Variants in COL22A1 observed in about 807,000 individuals in gnomAD.
The protein encoded by COL22A1 is collagen alpha-1(XXII) chain.
COL22A1 carries 221 observed loss-of-function variants against 248.9 expected under a neutral mutation model. The ratio of observed to expected loss-of-function variants is 0.89; its 90% CI spans 0.80 to 0.99. The LOEUF is 0.99. COL22A1 is among the 50% of genes least tolerant of loss of function. The pLI is 0.00. For synonymous variants in COL22A1, 891 were observed against 793.4 expected, an observed-to-expected ratio of 1.12 and a Z score of -2.07; for missense variants, 2,240 against 2,179.0, an observed-to-expected ratio of 1.03 and a Z score of -0.56.
At position 138,591,458 on chromosome 8, in the gene COL22A1, G is replaced by A. The variant is rs745326030; in HGVS notation, c.4659C>T (p.Gly1553=). Residue 1553 remains glycine (G), a synonymous_variant, in exon 64 of 65, where the codon GGC becomes GGT. Transcript: ENST00000303045. ...CAGGGGGTCCCATCTCGCCTCGGAGGCCAACTCCAGGTGCACCTGGGTCAC... is the reference window on the plus strand; with the variant it reads ...CAGGGGGTCCCATCTCGCCTCGGAGACCAACTCCAGGTGCACCTGGGTCAC... ...AKGDPGAPGV[G]LRGEMGPPGI... 2 of 1,580,300 alleles carry A rather than the reference G, an allele frequency of 1.3e-6. No homozygotes were observed. Among genetic ancestry groups the A allele is most frequent in the Admixed American group, 3.6e-5 (2 of 55,586 alleles).
At chr8:138,739,384 T>C (rs949091373) in intron 22 of COL22A1, among the ~76,000 whole-genome samples, 1 of 152,188 alleles carries the variant, frequency 6.6e-6, no homozygotes, top group Non-Finnish European at 1.5e-5. Context: ...AGTTTTTCAA[T>C]TCAATTTTGT....
intron 5 of COL22A1, among the ~76,000 whole-genome samples, chr8:138,830,862 G>A (rs993172103): frequency 2.0e-5 from 3 of 152,168 alleles, no homozygotes; most frequent in Non-Finnish European, 4.4e-5. Flanking sequence ...AGTGAAGGAG[G>A]AAACAGGGTG....
chr8:138,765,888 A>T (rs1244910947), intron 16 of COL22A1, among the ~76,000 whole-genome samples: 1 of 152,206 alleles, frequency 6.6e-6, no homozygotes, highest in East Asian at 1.9e-4. Flanking sequence ...GCCAAGACCG[A>T]GCAGACAGTG....
chr8:138,634,907 T>C, intron 49 of COL22A1, 103 bp downstream of exon 49: 1 of 848,692 alleles, frequency 1.2e-6, no homozygotes, highest in Non-Finnish European at 1.9e-6. Flanking sequence ...GGGCCATCCC[T>C]TAAAATGAGA....
intron 59 of COL22A1, among the ~76,000 whole-genome samples, chr8:138,603,592 C>A (rs773748859): frequency 3.9e-5 from 6 of 152,058 alleles, no homozygotes; most frequent in Non-Finnish European, 7.4e-5. Flanking sequence ...GGCAGCAGCC[C>A]AAGTACAAGC....
chr8:138,805,075 GT>G (rs1817381283), intron 10 of COL22A1, among the ~76,000 whole-genome samples: 2 of 146,408 alleles, frequency 1.4e-5, no homozygotes, highest in East Asian at 2.1e-4. Flanking sequence ...GTGTGTGTGT[GT>G]GTTAGTGTAG....
intron 23 of COL22A1, among the ~76,000 whole-genome samples, chr8:138,735,183 TA>T (rs1831013067): frequency 6.6e-6 from 1 of 152,098 alleles, no homozygotes; most frequent in Non-Finnish European, 1.5e-5. Flanking sequence ...TACAGTAAAA[TA>T]AAATTAAACT....
At chr8:138,640,385 G>C (rs1564130663) in intron 47 of COL22A1, among the ~76,000 whole-genome samples, 2 of 152,030 alleles carry the variant, frequency 1.3e-5, no homozygotes, top group South Asian at 4.2e-4. Flanking sequence ...TGAGGGCAGG[G>C]ACTAAACTTT....
At position 138,821,552 on chromosome 8, in the gene COL22A1, C is replaced by T. The variant is rs549096096; in HGVS notation, c.970-141G>A. ...ACTCTTACCAGCTGGTCACCTGCCA[C>T]CTGAGCTTGGACAAATTCCGTCACA... On this transcript the variant is annotated intron_variant, in intron 6 of 64. Coordinates refer to ENST00000303045, the MANE Select transcript of COL22A1 (RefSeq NM_152888.3). 1.2e-5 allele frequency: 10 copies of T among 825,716 alleles called. No individual in the cohort carries two copies. The African/African-American group carries it at 1.5e-4, about 13-fold the overall frequency. The allele number at this position is 825,716 out of a possible 1,614,324, so 51.1% of individuals were successfully genotyped here. A position where few individuals can be genotyped will look rare whatever the true frequency, so the allele number is the denominator to read the frequency against.
chr8:138,799,304 C>T (rs886574209), intron 11 of COL22A1, among the ~76,000 whole-genome samples: 1 of 152,042 alleles, frequency 6.6e-6, no homozygotes, highest in Admixed American at 6.6e-5. Context: ...CTGTTAAATC[C>T]GATATTTGTA....
rs566297130 is a variant in COL22A1 at position 138,833,503 on chromosome 8, T to C, written c.734-353A>G. The stretch of plus-strand genomic sequence containing the variant: ...AACCCAGATGTGTGCTCTTCGCTCT[T>C]GCAGGCTGGCTCTGCAGGCGAACGG... On this transcript the variant is annotated intron_variant, in intron 4 of 64. Transcript: ENST00000303045. Among the ~76,000 whole-genome samples the C allele has an allele frequency of 3.0e-4, 45 of 152,344 alleles. 1 individual carries two copies. In the South Asian group the frequency reaches 8.9e-3, roughly 30 times the overall value.
chr8:138,747,594 G>A (rs1832228129), intron 22 of COL22A1, among the ~76,000 whole-genome samples: 1 of 152,136 alleles, frequency 6.6e-6, no homozygotes, highest in Admixed American at 6.5e-5. Flanking sequence ...CACCTCTGGA[G>A]AGCCTGTTCA....
chr8:138,761,945 C>A (rs1022118161), intron 17 of COL22A1, among the ~76,000 whole-genome samples: 3 of 152,148 alleles, frequency 2.0e-5, no homozygotes, highest in Admixed American at 2.0e-4. Flanking sequence ...TCCACTGAAC[C>A]ACATGTCTTG....
chr8:138,782,818 T>A (rs1815140643), intron 12 of COL22A1, among the ~76,000 whole-genome samples: 1 of 142,326 alleles, frequency 7.0e-6, no homozygotes, highest in South Asian at 2.2e-4. Context: ...AGGCCCACGA[T>A]GACAGACGGA....
At chr8:138,685,503 T>A (rs1015415839) in intron 37 of COL22A1, among the ~76,000 whole-genome samples, 191 bp from the exon 38 acceptor site, 1 of 152,304 alleles carries the variant, frequency 6.6e-6, no homozygotes, top group Middle Eastern at 3.4e-3. Context: ...TTCCCCAAAA[T>A]TCGTGTCTTG....
At chr8:138,699,976 C>G in intron 32 of COL22A1, 136 bp downstream of exon 32, 1 of 809,054 alleles carries the variant, frequency 1.2e-6, no homozygotes, top group South Asian at 1.6e-5. Flanking sequence ...ACAAGCCCAG[C>G]AGCCCAGATC....
At chr8:138,788,147 T>G (rs1815706436) in intron 12 of COL22A1, among the ~76,000 whole-genome samples, 1 of 151,968 alleles carries the variant, frequency 6.6e-6, no homozygotes, top group Non-Finnish European at 1.5e-5. Context: ...TCACCTGGGG[T>G]TGCGTTAGAA....
At chr8:138,899,517 T>C (rs1456734057) in intron 1 of COL22A1, among the ~76,000 whole-genome samples, 1 of 152,086 alleles carries the variant, frequency 6.6e-6, no homozygotes, top group Admixed American at 6.6e-5. Flanking sequence ...GTCTTTGCTA[T>C]TGGGTCATAA....
chr8:138,725,473 T>A, intron 23 of COL22A1, 33 bp from the exon 24 acceptor site: 1 of 1,590,380 alleles, frequency 6.3e-7, no homozygotes, highest in Non-Finnish European at 8.6e-7. Context: ...GGGCTACAGA[T>A]GGGTCCTGAT....
Sources: allele counts gnomAD v4.1 joint callset (sites outside exome capture counted in the v4.1 genomes callset), GRCh38; gene constraint gnomAD v4.1.1; transcripts MANE v1.5; gene names NCBI Gene and HGNC (gene_info 2026-07-23, HGNC 2026-07-21).